DENND1A: variants seen among roughly 807,000 people sequenced by gnomAD.
DENND1A encodes DENN domain containing 1A, also known as DENN domain-containing protein 1A.
A neutral mutation model predicts 113.7 loss-of-function variants in DENND1A; 51 were observed. That is an observed-to-expected ratio of 0.45 (90% CI 0.36 to 0.57). The LOEUF (loss-of-function observed/expected upper bound fraction) is 0.57, where lower values mean the gene tolerates loss of function less well. DENND1A is among the 20% of genes least tolerant of loss of function. The probability of loss-of-function intolerance (pLI) is 0.00; values close to 1 mark genes in which losing one functional copy is unlikely to be tolerated. For synonymous variants in DENND1A, 565 were observed against 570.8 expected (o/e 0.99, Z 0.14); for missense variants, 1,258 against 1,395.9 (o/e 0.90, Z 1.57).
At chr9:123,654,295 A>G (rs1337441066) in intron 8 of DENND1A, among the ~76,000 whole-genome samples, 1 of 152,216 alleles carries the variant, frequency 6.6e-6, no homozygotes, top group Non-Finnish European at 1.5e-5. Context: ...GGAAGTAAAA[A>G]GAAAATAGAA....
At chr9:123,509,375 T>C (rs59409958) in intron 13 of DENND1A, among the ~76,000 whole-genome samples, 4,871 of 152,320 alleles carry the variant, frequency 0.032, 271 homozygotes, top group African/African-American at 0.11. Context: ...TGCCACTTGC[T>C]AGCTGACTAA....
At chr9:123,881,542 A>C (rs117251569) in intron 1 of DENND1A, among the ~76,000 whole-genome samples, 23 of 152,248 alleles carry the variant, frequency 1.5e-4, no homozygotes, top group Non-Finnish European at 3.2e-4. Flanking sequence ...GTTCTTCAGG[A>C]CCCTAGGACT....
At chr9:123,684,405 C>T (rs2064672826) in intron 5 of DENND1A, among the ~76,000 whole-genome samples, 1 of 152,144 alleles carries the variant, frequency 6.6e-6, no homozygotes, top group Non-Finnish European at 1.5e-5. Context: ...ATTCCTTTCC[C>T]TCTCCCTCCT....
intron 5 of DENND1A, among the ~76,000 whole-genome samples, chr9:123,715,595 A>G (rs1037895419): frequency 6.6e-6 from 1 of 152,212 alleles, no homozygotes; most frequent in Non-Finnish European, 1.5e-5. Flanking sequence ...AATCTAACCT[A>G]AAGTACTCAG....
In DENND1A at chr9:123,728,479, C is replaced by CAAAAAAAAAAAAAAAAAA. The variant is rs60761810; in HGVS notation, c.302+29206_302+29223dup. ...GCAACAATTGCAAAACTCTGTCTCC[C>CAAAAAAAAAAAAAAAAAA]AAAAAAAAAAAAAAAAAAAAAAAAA... is the stretch of plus-strand genomic sequence containing the variant. On this transcript the variant is annotated intron_variant, in intron 5 of 23. Transcript: ENST00000394215. 3.1e-3 allele frequency among the ~76,000 whole-genome samples: 77 copies of CAAAAAAAAAAAAAAAAAA among 25,196 alleles called. 15 individuals are homozygous for CAAAAAAAAAAAAAAAAAA. The highest frequency in any genetic ancestry group is 3.6e-3 in the Non-Finnish European group (51 of 14,186). The allele number at this position is 25,196 out of a possible 152,430, so 16.5% of individuals were successfully genotyped here. A position where few individuals can be genotyped will look rare whatever the true frequency, so the allele number is the denominator to read the frequency against.
intron 13 of DENND1A, among the ~76,000 whole-genome samples, chr9:123,532,783 T>C (rs1407795917): frequency 1.3e-5 from 2 of 152,202 alleles, no homozygotes; most frequent in African/African-American, 2.4e-5. Context: ...TGGCTTCCTA[T>C]AGCCCAAAGT....
At chr9:123,582,982 A>AG (rs1404186406) in intron 12 of DENND1A, among the ~76,000 whole-genome samples, 187 bp downstream of exon 12, 13 of 152,240 alleles carry the variant, frequency 8.5e-5, no homozygotes, top group African/African-American at 2.9e-4. Flanking sequence ...TACAGGTGTG[A>AG]GCCACCATGC....
intron 10 of DENND1A, among the ~76,000 whole-genome samples, chr9:123,629,618 C>T (rs1393099844): frequency 6.6e-6 from 1 of 152,156 alleles, no homozygotes; most frequent in Non-Finnish European, 1.5e-5. Context: ...GTCTTAAAGC[C>T]AAGTGACTTG....
intron 13 of DENND1A, among the ~76,000 whole-genome samples, chr9:123,556,288 G>A (rs1339222472): frequency 2.0e-5 from 3 of 152,326 alleles, no homozygotes; most frequent in East Asian, 3.9e-4. Context: ...GGAGTAGGAG[G>A]GTGGGGTTAG....
chr9:123,903,353 A>C (rs1852071076), intron 1 of DENND1A, among the ~76,000 whole-genome samples: 1 of 150,888 alleles, frequency 6.6e-6, no homozygotes, highest in Admixed American at 6.6e-5. Context: ...AAAAAAAAAA[A>C]AAAAACTGGA....
intron 5 of DENND1A, among the ~76,000 whole-genome samples, chr9:123,718,316 C>T (rs2067115935): frequency 6.6e-6 from 1 of 152,088 alleles, no homozygotes; most frequent in Admixed American, 6.6e-5. Flanking sequence ...TTAATGACTG[C>T]TATTATGGTT....
At chr9:123,513,395 T>G (rs997904998) in intron 13 of DENND1A, among the ~76,000 whole-genome samples, 1 of 152,232 alleles carries the variant, frequency 6.6e-6, no homozygotes, top group Non-Finnish European at 1.5e-5. Context: ...AAACACTTTT[T>G]AGGGTGGGTC....
chr9:123,747,068 A>G (rs1220712648), intron 5 of DENND1A, among the ~76,000 whole-genome samples: 2 of 152,012 alleles, frequency 1.3e-5, no homozygotes, highest in Non-Finnish European at 1.5e-5. Flanking sequence ...CCACTTAAAA[A>G]CTTGTTTTCT....
chr9:123,521,297 A>G (rs987472630), intron 13 of DENND1A, among the ~76,000 whole-genome samples: 4 of 152,220 alleles, frequency 2.6e-5, no homozygotes, highest in Admixed American at 6.5e-5. Context: ...TTTCAAATAC[A>G]TATGCAACAC....
chr9:123,711,218 A>C (rs912307297), intron 5 of DENND1A, among the ~76,000 whole-genome samples: 1 of 151,650 alleles, frequency 6.6e-6, no homozygotes, highest in Non-Finnish European at 1.5e-5. Context: ...TAATCCCAGC[A>C]CTTTGGGAGG....
chr9:123,494,264 C>G (rs529582590), intron 13 of DENND1A, among the ~76,000 whole-genome samples: 1 of 152,164 alleles, frequency 6.6e-6, no homozygotes, highest in Non-Finnish European at 1.5e-5. Context: ...TGGAGCAGTG[C>G]GAAGCATATG....
intron 21 of DENND1A, among the ~76,000 whole-genome samples, chr9:123,399,855 T>C (rs2043336296): frequency 6.6e-6 from 1 of 152,246 alleles, no homozygotes; most frequent in Non-Finnish European, 1.5e-5. Context: ...TGGCCACTTT[T>C]CAACTGGGTG....
At chr9:123,850,211 G>C (rs1395179124) in intron 2 of DENND1A, among the ~76,000 whole-genome samples, 2 of 152,200 alleles carry the variant, frequency 1.3e-5, no homozygotes, top group African/African-American at 2.4e-5. Context: ...GTGAAAGGAA[G>C]AGTCAATCAA....
intron 1 of DENND1A, among the ~76,000 whole-genome samples, chr9:123,909,163 A>T (rs1853465403): frequency 6.6e-6 from 1 of 151,966 alleles, no homozygotes; most frequent in African/African-American, 2.4e-5. Flanking sequence ...TCACATGGAC[A>T]CAGGAAGGGG....
Sources: allele counts gnomAD v4.1 joint callset (sites outside exome capture counted in the v4.1 genomes callset), GRCh38; gene constraint gnomAD v4.1.1; transcripts MANE v1.5; gene names NCBI Gene and HGNC (gene_info 2026-07-23, HGNC 2026-07-21).